ZNF516: variants seen among roughly 807,000 people sequenced by gnomAD.
ZNF516 encodes the protein zinc finger protein 516.
In ZNF516, 19 loss-of-function variants were observed where a neutral mutation model predicts 79.7. That is an observed-to-expected ratio of 0.24 (90% CI 0.17 to 0.35). The LOEUF (loss-of-function observed/expected upper bound fraction) is 0.35. Ranked by LOEUF, ZNF516 falls within the 10% of genes least tolerant of loss-of-function variation. ZNF516 has a pLI of 1.00. For synonymous variants in ZNF516, 877 were observed against 739.5 expected (o/e 1.19, Z -3.02); for missense variants, 1,678 against 1,679.5 (o/e 1.00, Z 0.02).
chr18:76,486,686 GAAAAA>G, intron 1 of ZNF516, among the ~76,000 whole-genome samples: 1 of 142,488 alleles, frequency 7.0e-6, no homozygotes, highest in South Asian at 2.2e-4. Context: ...GGTTTTGAAG[GAAAAA>G]AAAAAAAAAA....
At chr18:76,384,194 G>T (rs1244350565) in intron 3 of ZNF516, among the ~76,000 whole-genome samples, 2 of 152,050 alleles carry the variant, frequency 1.3e-5, no homozygotes, top group African/African-American at 4.8e-5. Context: ...CGCCACCACT[G>T]GCAATGAGAA....
Position 76,441,974 on chromosome 18 carries a change from C to T in ZNF516, c.1081G>A (p.Glu361Lys), listed in dbSNP as rs1911693705. Residue 361 changes from glutamate to lysine, a missense_variant, in exon 3 of 7, where the codon GAG becomes AAG. Coordinates refer to ENST00000443185, the MANE Select transcript of ZNF516 (RefSeq NM_014643.4). ...GCCGGGGCGCGCGTGCGGCTGGCCT[C>T]GACTCTGCGGTGGATGGCATTGTGG... is the stretch of plus-strand genomic sequence containing the variant. ...NAHNAIHRRV[E>K]ASRTRAPAEE... is the part of the protein sequence containing the mutation. 1 of 1,612,672 alleles carries T rather than the reference C, an allele frequency of 6.2e-7. No individual in the cohort carries two copies. Among genetic ancestry groups the T allele is most frequent in the Non-Finnish European group, 8.5e-7 (1 of 1,179,780 alleles).
chr18:76,400,795 TC>T (rs1452751770), intron 3 of ZNF516, among the ~76,000 whole-genome samples: 1 of 152,210 alleles, frequency 6.6e-6, no homozygotes, highest in Non-Finnish European at 1.5e-5. Flanking sequence ...GAAGTTCCAG[TC>T]CACCATGGAT....
At chr18:76,426,224 T>A (rs1420453628) in intron 3 of ZNF516, among the ~76,000 whole-genome samples, 1 of 152,224 alleles carries the variant, frequency 6.6e-6, no homozygotes, top group African/African-American at 2.4e-5. Flanking sequence ...GAAAGCAAAC[T>A]CTGAAGGGTC....
intron 3 of ZNF516, among the ~76,000 whole-genome samples, chr18:76,404,331 G>A (rs1054817001): frequency 8.5e-6 from 1 of 118,296 alleles, no homozygotes; most frequent in African/African-American, 2.6e-5. Context: ...CATGTGGACC[G>A]TGTGTATGTG....
At chr18:76,419,513 G>A (rs185699697) in intron 3 of ZNF516, among the ~76,000 whole-genome samples, 9 of 152,214 alleles carry the variant, frequency 5.9e-5, no homozygotes, top group African/African-American at 1.9e-4. Flanking sequence ...GATATGATCC[G>A]GCTGCGTCCC....
At chr18:76,377,802 G>A (rs1160756215) in intron 4 of ZNF516, among the ~76,000 whole-genome samples, 3 of 146,106 alleles carry the variant, frequency 2.1e-5, no homozygotes, top group African/African-American at 5.1e-5. Context: ...TGCAACCTCC[G>A]CCTCCTGGGT....
chr18:76,408,649 G>A (rs970019702), intron 3 of ZNF516, among the ~76,000 whole-genome samples: 9 of 152,166 alleles, frequency 5.9e-5, no homozygotes, highest in African/African-American at 1.9e-4. Flanking sequence ...GAACATGACC[G>A]CTAACGACAG....
chr18:76,455,364 C>A (rs1330735255), intron 2 of ZNF516, among the ~76,000 whole-genome samples: 2 of 152,252 alleles, frequency 1.3e-5, no homozygotes, highest in Non-Finnish European at 2.9e-5. Context: ...TGGAGGCACA[C>A]AGCAACACAC....
Position 76,380,232 on chromosome 18 carries a change from G to A in ZNF516, c.1882C>T (p.His628Tyr), listed in dbSNP as rs769105193. 2.5e-6 allele frequency: 4 copies of A among 1,613,870 alleles called. No homozygotes were observed. The highest frequency in any genetic ancestry group is 2.7e-5 in the African/African-American group (2 of 74,908). Residue 628 changes from histidine to tyrosine, a missense_variant, in exon 4 of 7, where the codon CAC becomes TAC. Around this residue, in one of 5 missense-constraint regions of ZNF516, gnomAD observed 1,294 missense variants for 1,248.3 expected, o/e 1.04. Transcript: ENST00000443185. ...TCCGAGGCGTTATCTCCCATCTTGT[G>A]ACTCTGGTCTCCACTGGAGAGCTCG... is the stretch of plus-strand genomic sequence containing the variant. ...STELSSGDQS[H>Y]KMGDNASERD...
At chr18:76,480,529 A>ATTTTTTTT (rs1555720250) in intron 1 of ZNF516, among the ~76,000 whole-genome samples, 11 of 142,024 alleles carry the variant, frequency 7.7e-5, no homozygotes, top group Admixed American at 3.5e-4. Context: ...ACACACATAT[A>ATTTTTTTT]TTTTTTTTTT....
chr18:76,487,918 G>C, intron 1 of ZNF516: 4 of 984,406 alleles, frequency 4.1e-6, no homozygotes, highest in Non-Finnish European at 4.8e-6. Context: ...AGAGCCCCCA[G>C]GAGGGGAGGG....
intron 6 of ZNF516, among the ~76,000 whole-genome samples, chr18:76,370,327 C>T (rs2074681488): frequency 6.6e-6 from 1 of 152,220 alleles, no homozygotes; most frequent in Non-Finnish European, 1.5e-5. Context: ...GACCCTGCAC[C>T]ACCCGGCTGG....
intron 1 of ZNF516, among the ~76,000 whole-genome samples, chr18:76,472,706 C>T (rs144885056): frequency 3.3e-5 from 5 of 152,232 alleles, no homozygotes; most frequent in Admixed American, 6.5e-5. Context: ...AAAGGTCATC[C>T]GGTCAAACAG....
At chr18:76,461,863 A>G (rs149129055) in intron 2 of ZNF516, among the ~76,000 whole-genome samples, 1 of 152,328 alleles carries the variant, frequency 6.6e-6, no homozygotes, top group African/African-American at 2.4e-5. Context: ...CGGACCAGCT[A>G]GCAGGCGAGA....
intron 3 of ZNF516, among the ~76,000 whole-genome samples, chr18:76,431,624 C>A (rs2075662411): frequency 6.6e-6 from 1 of 152,192 alleles, no homozygotes. Context: ...GTGCTCATTG[C>A]AACGAGTGAG....
At chr18:76,487,556 T>A (rs1914900898) in intron 1 of ZNF516, among the ~76,000 whole-genome samples, 1 of 152,250 alleles carries the variant, frequency 6.6e-6, no homozygotes, top group Non-Finnish European at 1.5e-5. Context: ...TCTTTCTTCC[T>A]CCTCCTCCCA....
chr18:76,362,443 T>G lies in ZNF516; in HGVS notation c.*55A>C. On this transcript the variant is annotated 3_prime_UTR_variant, in exon 7 of 7. Transcript: ENST00000443185. Reference sequence around the variant, plus strand: ...CAGGTGGGAGGCTGCTGGGACATCGTGAGGGTACTGCTAATGGCCGTTACG... The same window carrying G: ...CAGGTGGGAGGCTGCTGGGACATCGGGAGGGTACTGCTAATGGCCGTTACG... The G allele has an allele frequency of 8.9e-6, 14 of 1,570,680 alleles. No homozygotes were observed. The highest frequency in any genetic ancestry group is 1.1e-5 in the Non-Finnish European group (13 of 1,145,732).
chr18:76,432,963 A>G (rs981321705), intron 3 of ZNF516, among the ~76,000 whole-genome samples: 5 of 151,762 alleles, frequency 3.3e-5, no homozygotes, highest in African/African-American at 1.2e-4. Flanking sequence ...ACCTCCCCAA[A>G]TCCTCACTCC....
Sources: gnomAD v4.1 joint callset for allele counts (sites outside exome capture counted in the v4.1 genomes callset) on GRCh38, gnomAD v4.1.1 for gene constraint, gnomAD v4.1.1 regional missense constraint, MANE v1.5 for transcripts, NCBI Gene and HGNC (gene_info 2026-07-23, HGNC 2026-07-21) for gene names.